Variants in SYNDIG1L observed in about 807,000 individuals in gnomAD.
SYNDIG1L encodes the protein synapse differentiation inducing 1 like.
A neutral mutation model predicts 20.1 loss-of-function variants in SYNDIG1L; 13 were observed. The observed-to-expected ratio is 0.65, with a 90% CI of 0.42 to 1.03. The LOEUF (loss-of-function observed/expected upper bound fraction) is 1.03, where lower values mean the gene tolerates loss of function less well. Ranked by LOEUF, SYNDIG1L falls within the 50% of genes least tolerant of loss-of-function variation. The pLI is 0.00. For synonymous variants in SYNDIG1L, 128 were observed against 129.3 expected (o/e 0.99, Z 0.07); for missense variants, 294 against 305.1 (o/e 0.96, Z 0.27).
chr14:74,452,204 A>G, the SYNDIG1L span, among the ~76,000 whole-genome samples: 2 of 152,184 alleles, frequency 1.3e-5, no homozygotes, highest in Non-Finnish European at 2.9e-5. Context: ...TAAAATTATT[A>G]AAATTATAAA....
the SYNDIG1L span, among the ~76,000 whole-genome samples, chr14:74,470,448 C>T: frequency 2.4e-4 from 37 of 152,312 alleles, no homozygotes; most frequent in African/African-American, 8.4e-4. Context: ...AACCTCACTC[C>T]TTCTCCTTCC....
intron 1 of SYNDIG1L, among the ~76,000 whole-genome samples, chr14:74,410,421 C>A (rs970518992): frequency 6.6e-6 from 1 of 152,224 alleles, no homozygotes; most frequent in South Asian, 2.1e-4. Flanking sequence ...TGGAGGTGTG[C>A]GATGGGGTGT....
chr14:74,449,463 A>AAAAAAAAAAAC, the SYNDIG1L span, among the ~76,000 whole-genome samples: 1 of 145,586 alleles, frequency 6.9e-6, no homozygotes, highest in Admixed American at 6.9e-5. Flanking sequence ...AAAAAAAAAA[A>AAAAAAAAAAAC]AAGCCAGGCA....
At chr14:74,430,518 C>T (rs1467473730), upstream of SYNDIG1L, among the ~76,000 whole-genome samples, 1 of 151,636 alleles carries the variant, frequency 6.6e-6, no homozygotes, top group East Asian at 1.9e-4. Flanking sequence ...TCACTGCAAC[C>T]TCCGCCTCCC....
chr14:74,429,283 G>A (rs114127413), upstream of SYNDIG1L, among the ~76,000 whole-genome samples: 522 of 152,278 alleles, frequency 3.4e-3, 2 homozygotes, highest in African/African-American at 0.012. Context: ...GGATGCCCTC[G>A]TGTCCTCTTC....
chr14:74,431,607 A>T, the SYNDIG1L span, among the ~76,000 whole-genome samples: 1 of 152,150 alleles, frequency 6.6e-6, no homozygotes, highest in Admixed American at 6.5e-5. Flanking sequence ...ACTGGGCAAG[A>T]TTTGAAGCCG....
the SYNDIG1L span, among the ~76,000 whole-genome samples, chr14:74,439,985 T>A: frequency 6.6e-6 from 1 of 152,150 alleles, no homozygotes; most frequent in African/African-American, 2.4e-5. Flanking sequence ...CACTTCCAAC[T>A]GATTAACTAT....
the SYNDIG1L span, among the ~76,000 whole-genome samples, chr14:74,460,204 C>T: frequency 2.0e-5 from 3 of 152,126 alleles, no homozygotes; most frequent in Non-Finnish European, 2.9e-5. Flanking sequence ...CCTGTCTCAC[C>T]GTCTCAGCCC....
the SYNDIG1L span, among the ~76,000 whole-genome samples, chr14:74,472,569 C>G: frequency 6.6e-6 from 1 of 152,180 alleles, no homozygotes; most frequent in South Asian, 2.1e-4. Flanking sequence ...ACTGGGAAAG[C>G]CAGACATTGA....
chr14:74,460,959 C>T, the SYNDIG1L span, among the ~76,000 whole-genome samples: 7 of 151,224 alleles, frequency 4.6e-5, no homozygotes, highest in Middle Eastern at 3.3e-3. Context: ...TTCTTTTAAT[C>T]GCTCTTATAC....
the SYNDIG1L span, among the ~76,000 whole-genome samples, chr14:74,465,471 G>T: frequency 1.3e-5 from 2 of 152,200 alleles, no homozygotes; most frequent in African/African-American, 2.4e-5. Context: ...AACAGATCTA[G>T]GTGTTTCTCC....
chr14:74,438,493 A>C, the SYNDIG1L span, among the ~76,000 whole-genome samples: 2 of 152,068 alleles, frequency 1.3e-5, no homozygotes, highest in African/African-American at 4.8e-5. Context: ...TCTCAAACTC[A>C]CCCCACCCTC....
At chr14:74,426,526 C>T (rs1489942045), upstream of SYNDIG1L, among the ~76,000 whole-genome samples, 5 of 152,194 alleles carry the variant, frequency 3.3e-5, no homozygotes, top group Admixed American at 1.3e-4. Flanking sequence ...AGCTCCTAGG[C>T]TCCAAAGCCA....
chr14:74,434,375 C>A, the SYNDIG1L span, among the ~76,000 whole-genome samples: 1 of 152,074 alleles, frequency 6.6e-6, no homozygotes, highest in Non-Finnish European at 1.5e-5. Flanking sequence ...TACCCCTGGC[C>A]TGCCTCGGTG....
chr14:74,423,889 T>C lies in SYNDIG1L; in HGVS notation c.-58+2023A>G, dbSNP rs532717662. Among the ~76,000 whole-genome samples the C allele has an allele frequency of 1.6e-3, 237 of 151,668 alleles. 1 individual carries two copies. The highest frequency in any genetic ancestry group is 5.5e-3 in the African/African-American group (227 of 41,344). On this transcript the variant is annotated intron_variant, in intron 1 of 3. Coordinates refer to ENST00000331628, the MANE Select transcript of SYNDIG1L (RefSeq NM_001105579.2). ...ATGGTGGTGGTGGTGGTGGTGGTGG[T>C]GGCAGGGATAATGGGGTGGTGGTTC...
chr14:74,423,862 A>C (rs2086243961), intron 1 of SYNDIG1L, among the ~76,000 whole-genome samples: 1 of 149,682 alleles, frequency 6.7e-6, no homozygotes, highest in Non-Finnish European at 1.5e-5. Flanking sequence ...TACTCACAAG[A>C]GATGGTGGTG....
At chr14:74,447,306 C>A in the SYNDIG1L span, among the ~76,000 whole-genome samples, 2 of 151,974 alleles carry the variant, frequency 1.3e-5, no homozygotes, top group Non-Finnish European at 2.9e-5. Flanking sequence ...AGTAACATAG[C>A]CCCCCAAAAA....
chr14:74,477,513 C>T, the SYNDIG1L span, among the ~76,000 whole-genome samples: 2 of 150,264 alleles, frequency 1.3e-5, no homozygotes, highest in African/African-American at 4.9e-5. Flanking sequence ...TTCTGAAAGA[C>T]TTTGTGTTAA....
At chr14:74,436,868 A>T in the SYNDIG1L span, among the ~76,000 whole-genome samples, 12 of 150,036 alleles carry the variant, frequency 8.0e-5, no homozygotes, top group Non-Finnish European at 1.6e-4. Context: ...AAAAAAAAAA[A>T]GCTCAGCTCA....
Sources: gnomAD v4.1 joint callset for allele counts (sites outside exome capture counted in the v4.1 genomes callset) on GRCh38, gnomAD v4.1.1 for gene constraint, MANE v1.5 for transcripts, NCBI Gene and HGNC (gene_info 2026-07-23, HGNC 2026-07-21) for gene names.